Variants in RDX observed in about 807,000 individuals in gnomAD.
The protein encoded by RDX is deafness, autosomal recessive 24.
In RDX, 32 loss-of-function variants were observed where a neutral mutation model predicts 83.7. The observed-to-expected ratio is 0.38, with a 90% confidence interval of 0.29 to 0.51. The LOEUF (loss-of-function observed/expected upper bound fraction) is 0.51, where lower values mean the gene tolerates loss of function less well. Ranked by LOEUF, RDX falls within the 20% of genes least tolerant of loss-of-function variation. The probability of loss-of-function intolerance (pLI) is 0.87; values close to 1 mark genes in which losing one functional copy is unlikely to be tolerated. For synonymous variants in RDX, 229 were observed against 222.7 expected (o/e 1.03, Z -0.25); for missense variants, 600 against 689.9 (o/e 0.87, Z 1.46).
intron 14 of RDX, among the ~76,000 whole-genome samples, chr11:110,209,335 C>G (rs1307782868): frequency 6.6e-6 from 1 of 151,912 alleles, no homozygotes; most frequent in Non-Finnish European, 1.5e-5. Context: ...CTCGGAGGGT[C>G]CTACGCCCAC....
Position 110,249,691 on chromosome 11 carries a change from G to A in RDX, c.960-1858C>T, listed in dbSNP as rs528359240. Among the ~76,000 whole-genome samples the A allele has an allele frequency of 2.6e-5, 4 of 152,226 alleles. No individual in the cohort carries two copies. In the South Asian group the frequency reaches 6.2e-4, roughly 24 times the overall value. On this transcript the variant is annotated intron_variant, in intron 9 of 13. Transcript: ENST00000645495. ...GAGTCCAAGACCAGGGCAACATAGC[G>A]AGACCTCATCTCTTCTAAAAATAAG... is the stretch of plus-strand genomic sequence containing the variant.
rs1240638060 is a variant in RDX at position 110,257,880 on chromosome 11, T to C, written c.585A>G (p.Ala195=). ...EDSMMEYLKI[A]QDLEMYGVNY... ...TGACTCCATACATTTCTAGATCTTG[T>C]GCAATCTTCAGGTATTCCATCATAG... The change falls in exon 7 of 14, where the codon GCA becomes GCG. Residue 195 remains alanine (A), a synonymous_variant. Coordinates refer to ENST00000645495, the MANE Select transcript of RDX (RefSeq NM_002906.4). The C allele has an allele frequency of 6.2e-7, 1 of 1,612,452 alleles. No homozygotes were observed. The highest frequency in any genetic ancestry group is 2.2e-5 in the East Asian group (1 of 44,744).
chr11:110,245,049 C>G (rs1158095811), intron 10 of RDX, among the ~76,000 whole-genome samples: 4 of 150,906 alleles, frequency 2.7e-5, no homozygotes. Context: ...ACTGCCAACT[C>G]TGCCTCTTGG....
At position 110,281,382 on chromosome 11, in the gene RDX, C is replaced by T. The variant is rs980576751; in HGVS notation, c.-64-1626G>A. Reference sequence around the variant, plus strand: ...GTCGCCCAGGCTGGAGTGCAGTGCTCGCAGTGGTGCAATCTTAGCTCACTG... The same window carrying T: ...GTCGCCCAGGCTGGAGTGCAGTGCTTGCAGTGGTGCAATCTTAGCTCACTG... On this transcript the variant is annotated intron_variant, in intron 1 of 13. Coordinates refer to ENST00000645495, the MANE Select transcript of RDX (RefSeq NM_002906.4). 2.7e-5 allele frequency among the ~76,000 whole-genome samples: 4 copies of T among 149,390 alleles called. No homozygotes were observed. In the East Asian group the frequency reaches 5.9e-4, roughly 22 times the overall value.
At chr11:110,250,040 C>T (rs1304889523) in intron 9 of RDX, among the ~76,000 whole-genome samples, 1 of 152,194 alleles carries the variant, frequency 6.6e-6, no homozygotes, top group East Asian at 1.9e-4. Flanking sequence ...AGGACATTCA[C>T]CTCTTTCTCT....
chr11:110,231,600 GA>G lies in RDX; in HGVS notation c.*268del, dbSNP rs1336983020. 784 of 417,394 alleles carry G rather than the reference GA, an allele frequency of 1.9e-3. No individual in the cohort carries two copies. The highest frequency in any genetic ancestry group is 4.6e-3 in the Middle Eastern group (7 of 1,524). The allele number at this position is 417,394 out of a possible 1,614,324, so 25.9% of individuals were successfully genotyped here. A position where few individuals can be genotyped will look rare whatever the true frequency, so the allele number is the denominator to read the frequency against. On this transcript the variant is annotated 3_prime_UTR_variant, in exon 14 of 14. Transcript: ENST00000645495. ...TGATAATTAGTGTTAATCTTCAACA[GA>G]AAAAAAAAAGAAAAAGAAAAAAAAT...
intron 3 of RDX, among the ~76,000 whole-genome samples, chr11:110,267,559 CACACACAA>C (rs1203144023): frequency 6.9e-6 from 1 of 144,488 alleles, no homozygotes; most frequent in Non-Finnish European, 1.5e-5. Flanking sequence ...CACACACACA[CACACACAA>C]ATAATCTTAA....
Position 110,235,976 on chromosome 11 carries a change from C to T in RDX, c.1344+123G>A, listed in dbSNP as rs1364222993. The stretch of plus-strand genomic sequence containing the variant: ...TCTGTAGATAGATATTTACAATACA[C>T]ATAACACGAGTATCTTTCCCACTCT... On this transcript the variant is annotated intron_variant, in intron 12 of 13. Coordinates refer to ENST00000645495, the MANE Select transcript of RDX (RefSeq NM_002906.4). 9.5e-6 allele frequency: 7 copies of T among 735,110 alleles called. No homozygotes were observed. The Admixed American group carries it at 1.0e-4, about 11-fold the overall frequency. The allele number at this position is 735,110 out of a possible 1,614,324, so 45.5% of individuals were successfully genotyped here.
At chr11:110,224,217 A>G (rs1864355598) in intron 14 of RDX, among the ~76,000 whole-genome samples, 1 of 150,240 alleles carries the variant, frequency 6.7e-6, no homozygotes. Context: ...TTATATATAT[A>G]TATTAAAAAA....
At chr11:110,234,685 T>C (rs1864770428) in intron 12 of RDX, among the ~76,000 whole-genome samples, 1 of 152,172 alleles carries the variant, frequency 6.6e-6, no homozygotes, top group Non-Finnish European at 1.5e-5. Flanking sequence ...CTAAAAGGGA[T>C]CTAAAAAATT....
At chr11:110,259,595 C>T (rs1308141542) in intron 5 of RDX, among the ~76,000 whole-genome samples, 2 of 152,192 alleles carry the variant, frequency 1.3e-5, no homozygotes, top group African/African-American at 4.8e-5. Flanking sequence ...TTTCTCTAGG[C>T]ATCTTTTCCA....
At position 110,222,455 on chromosome 11, in the gene RDX, T is replaced by C. The variant is rs1287976995; in HGVS notation, c.1748+9418A>G. Reference sequence around the variant, plus strand: ...GGTCTTATATTGTCTGGTACGAACATTTTACAAAATGGAAGTATTATCTCA... The same window carrying C: ...GGTCTTATATTGTCTGGTACGAACACTTTACAAAATGGAAGTATTATCTCA... On this transcript the variant is annotated intron_variant, in intron 14 of 15. Transcript: ENST00000528498. 1.3e-5 allele frequency among the ~76,000 whole-genome samples: 2 copies of C among 152,196 alleles called. 1 individual carries two copies. Among genetic ancestry groups the C allele is most frequent in the South Asian group, 4.1e-4 (2 of 4,832 alleles).
At chr11:110,209,540 C>G (rs905463789) in intron 14 of RDX, among the ~76,000 whole-genome samples, 10 of 152,148 alleles carry the variant, frequency 6.6e-5, no homozygotes, top group Non-Finnish European at 1.3e-4. Flanking sequence ...GGGCAGGGCA[C>G]AGACAAACAA....
intron 3 of RDX, among the ~76,000 whole-genome samples, chr11:110,271,372 G>C (rs1165867586): frequency 1.3e-5 from 2 of 152,052 alleles, no homozygotes; most frequent in Non-Finnish European, 2.9e-5. Context: ...TTGCTCTCCT[G>C]CTCCTAAGAA....
intron 15 of RDX, among the ~76,000 whole-genome samples, chr11:110,183,590 C>T (rs936906340): frequency 2.0e-5 from 3 of 152,248 alleles, no homozygotes; most frequent in Non-Finnish European, 4.4e-5. Context: ...TCCCAAAGTG[C>T]TGGGATCACA....
chr11:110,237,801 G>C, intron 10 of RDX, 149 bp from the exon 11 acceptor site: 1 of 913,274 alleles, frequency 1.1e-6, no homozygotes. Flanking sequence ...TTGTTTTCTT[G>C]AGACAGGGTC....
At chr11:110,248,435 C>G (rs1402371164) in intron 9 of RDX, among the ~76,000 whole-genome samples, 2 of 152,044 alleles carry the variant, frequency 1.3e-5, no homozygotes, top group African/African-American at 4.8e-5. Flanking sequence ...CAATGTATTA[C>G]TTATTGTGGG....
At chr11:110,278,477 T>C (rs1051109067) in intron 2 of RDX, among the ~76,000 whole-genome samples, 2 of 152,072 alleles carry the variant, frequency 1.3e-5, no homozygotes, top group African/African-American at 4.8e-5. Context: ...GTAGAGATCT[T>C]GCACAGCATC....
chr11:110,175,621 G>A (rs1247078923), intron 15 of RDX, among the ~76,000 whole-genome samples: 1 of 152,228 alleles, frequency 6.6e-6, no homozygotes, highest in African/African-American at 2.4e-5. Context: ...CCTGGGGTGG[G>A]GGTGGGGGCC....
Sources: gnomAD v4.1 joint callset for allele counts (sites outside exome capture counted in the v4.1 genomes callset) on GRCh38, gnomAD v4.1.1 for gene constraint, MANE v1.5 for transcripts, NCBI Gene and HGNC (gene_info 2026-07-23, HGNC 2026-07-21) for gene names.